NOXRED1: variants seen among roughly 807,000 people sequenced by gnomAD.
The protein encoded by NOXRED1 is NADP dependent oxidoreductase domain containing 1.
In NOXRED1, 20 loss-of-function variants were observed where a neutral mutation model predicts 30.4. The ratio of observed to expected loss-of-function variants is 0.66; its 90% confidence interval spans 0.46 to 0.96. NOXRED1 has a LOEUF of 0.96. Ranked by LOEUF, NOXRED1 falls within the 40% of genes least tolerant of loss-of-function variation. The pLI is 0.00. For synonymous variants in NOXRED1, 155 were observed against 168.0 expected (o/e 0.92, Z 0.60); for missense variants, 374 against 428.0 (o/e 0.87, Z 1.11).
At chr14:77,403,850 T>C (rs1268370987) in intron 5 of NOXRED1, among the ~76,000 whole-genome samples, 1 of 152,120 alleles carries the variant, frequency 6.6e-6, no homozygotes. Flanking sequence ...AATGGCACTG[T>C]AACTCTCAGT....
intron 5 of NOXRED1, among the ~76,000 whole-genome samples, chr14:77,403,786 C>T (rs889138424): frequency 1.3e-4 from 20 of 152,160 alleles, no homozygotes; most frequent in African/African-American, 4.6e-4. Flanking sequence ...CAAAAGATCT[C>T]ATAAGCTTCC....
rs1441957496 is a variant in NOXRED1 at position 77,406,813 on chromosome 14, G to A, written c.593C>T (p.Ser198Phe). 34 of 1,613,926 alleles carry A rather than the reference G, an allele frequency of 2.1e-5. No individual in the cohort carries two copies. The highest frequency in any genetic ancestry group is 2.7e-5 in the Non-Finnish European group (32 of 1,179,906). Residue 198 changes from serine (S) to phenylalanine (F), a missense_variant, in exon 4 of 6, where the codon TCT (serine) becomes TTT (phenylalanine). Transcript: ENST00000380835. ...CTTATTGGCCCCCCAGACGCTGACA[G>A]AATCTTCATCATACTGATACTGAGG... ...LRPQYQYDED[S>F]VSVWGANKGV...
At chr14:77,396,248 CTTTTT>C (rs35292349) in intron 5 of NOXRED1, among the ~76,000 whole-genome samples, 2 of 131,122 alleles carry the variant, frequency 1.5e-5, no homozygotes, top group African/African-American at 5.8e-5. Context: ...TCCAAGGAAT[CTTTTT>C]TTTTTTTTTT....
At chr14:77,403,984 T>G (rs959098935) in intron 5 of NOXRED1, among the ~76,000 whole-genome samples, 1 of 152,216 alleles carries the variant, frequency 6.6e-6, no homozygotes, top group Non-Finnish European at 1.5e-5. Flanking sequence ...CAGGGTGGTA[T>G]GGCTGTAGAT....
intron 1 of NOXRED1, among the ~76,000 whole-genome samples, chr14:77,418,561 G>A (rs1009319078): frequency 2.6e-5 from 4 of 151,096 alleles, no homozygotes; most frequent in Non-Finnish European, 5.9e-5. Flanking sequence ...ACAGGGTCTC[G>A]CTCTGTCACC....
At position 77,406,126 on chromosome 14, in the gene NOXRED1, A is replaced by C; in HGVS notation, c.692T>G (p.Ile231Ser). 6.2e-7 allele frequency: 1 copy of C among 1,609,962 alleles called. No homozygotes were observed. Among genetic ancestry groups the C allele is most frequent in the South Asian group, 1.1e-5 (1 of 90,850 alleles). The change falls in exon 5 of 6, where the codon ATC becomes AGC. Residue 231 changes from isoleucine to serine, a missense_variant. By Grantham distance (142) the Ile-to-Ser change is moderately radical (BLOSUM62 -2). Coordinates refer to ENST00000380835, the MANE Select transcript of NOXRED1 (RefSeq NM_001113475.3). ...TCCCTCCAACCACTTGATATTGAGG[A>C]TTATTCCCCCTACACATCAATGAGA... ...TCPYSPAGGI[I>S]LNIKWLEGVF...
chr14:77,408,041 T>A (rs1044563695), intron 2 of NOXRED1, among the ~76,000 whole-genome samples: 5 of 152,076 alleles, frequency 3.3e-5, no homozygotes, highest in African/African-American at 9.7e-5. Flanking sequence ...TTAGTCTTTG[T>A]ATTTTTAGTA....
intron 2 of NOXRED1, among the ~76,000 whole-genome samples, chr14:77,409,335 C>T (rs531174086): frequency 3.9e-5 from 6 of 152,166 alleles, no homozygotes; most frequent in South Asian, 2.1e-4. Context: ...CTCATGATAG[C>T]GAGGGAGTTC....
In NOXRED1 at chr14:77,406,836, A is replaced by G. The variant is rs569033713; in HGVS notation, c.570T>C (p.Pro190=). ...LLLNHTNILR[P]QYQYDEDSVS... ...CAGAATCTTCATCATACTGATACTG[A>G]GGCCGCAAGATATTGGTGTGGTTCA... The change falls in exon 4 of 6, where the codon CCT becomes CCC. Residue 190 remains proline, a synonymous_variant. Transcript: ENST00000380835. The G allele has an allele frequency of 2.5e-6, 4 of 1,614,074 alleles. No homozygotes were observed. In the East Asian group the frequency reaches 6.7e-5, roughly 27 times the overall value.
rs143522876 is a variant in NOXRED1 at position 77,399,701 on chromosome 14, G to A, written c.906-4896C>T. Among the ~76,000 whole-genome samples, 43 of 152,034 alleles carry A rather than the reference G, an allele frequency of 2.8e-4. No homozygotes were observed. In the East Asian group the frequency reaches 6.0e-3, roughly 21 times the overall value. On this transcript the variant is annotated intron_variant, in intron 5 of 5. Transcript: ENST00000380835. ...ACTGAAAAGCAAAGAAAACAAAGACGAAAAATACAGAACAAAATATCCAAG... is the reference window on the plus strand; with the variant it reads ...ACTGAAAAGCAAAGAAAACAAAGACAAAAAATACAGAACAAAATATCCAAG...
At chr14:77,407,031 G>A (rs1056741218) in intron 3 of NOXRED1, among the ~76,000 whole-genome samples, 156 bp from the exon 4 acceptor site, 1 of 152,182 alleles carries the variant, frequency 6.6e-6, no homozygotes, top group African/African-American at 2.4e-5. Context: ...TAATTAACTG[G>A]ACTGTTCATC....
chr14:77,416,660 C>A (rs1468655388), intron 1 of NOXRED1, among the ~76,000 whole-genome samples: 4 of 150,016 alleles, frequency 2.7e-5, no homozygotes, highest in African/African-American at 7.3e-5. Flanking sequence ...CCCTTCCCCC[C>A]TTTCTATTCC....
upstream of NOXRED1, among the ~76,000 whole-genome samples, chr14:77,423,717 GA>G (rs1566716368): frequency 1.3e-5 from 2 of 152,144 alleles, no homozygotes; most frequent in Non-Finnish European, 2.9e-5. Context: ...TTTCCCAACA[GA>G]AGATTCTGGA....
intron 1 of NOXRED1, among the ~76,000 whole-genome samples, chr14:77,416,618 G>A (rs937268813): frequency 1.1e-4 from 16 of 152,254 alleles, no homozygotes; most frequent in East Asian, 3.9e-4. Flanking sequence ...ACACAGACAC[G>A]GCAACCATCC....
chr14:77,406,874 GC>G lies in NOXRED1; in HGVS notation c.531del (p.Arg177SerfsTer2). 1 of 1,613,024 alleles carries G rather than the reference GC, an allele frequency of 6.2e-7. No individual in the cohort carries two copies. Among genetic ancestry groups the G allele is most frequent in the South Asian group, 1.1e-5 (1 of 90,962 alleles). ...YSFVAAIPLPRLKLLLNHTNI... is the reference protein window; with the variant it reads ...YSFVAAIPLPXLKLLLNHTNI... Reference sequence around the variant, plus strand: ...TTGGTGTGGTTCAACAGTAGTTTCAGCCTGGAAGTAAAGCCAAGACAGGGAG... The same window carrying G: ...TTGGTGTGGTTCAACAGTAGTTTCAGCTGGAAGTAAAGCCAAGACAGGGAG... On this transcript the variant is annotated frameshift_variant and splice_region_variant, in exon 4 of 6. Coordinates refer to ENST00000380835, the MANE Select transcript of NOXRED1 (RefSeq NM_001113475.3). LOFTEE classifies it high-confidence loss of function.
At position 77,406,253 on chromosome 14, in the gene NOXRED1, T is replaced by C. The variant is rs1053675658; in HGVS notation, c.683-118A>G. 8 of 669,948 alleles carry C rather than the reference T, an allele frequency of 1.2e-5. No homozygotes were observed. The African/African-American group carries it at 1.3e-4, about 11-fold the overall frequency. The allele number at this position is 669,948 out of a possible 1,614,324, so 41.5% of individuals were successfully genotyped here. ...TTTTTTCCAAGACAGATTGGTAATATGAACCACAAGATAAGCAAACATTCC... is the reference window on the plus strand; with the variant it reads ...TTTTTTCCAAGACAGATTGGTAATACGAACCACAAGATAAGCAAACATTCC... On this transcript the variant is annotated intron_variant, in intron 4 of 5. Transcript: ENST00000380835.
chr14:77,422,844 C>T lies in NOXRED1; in HGVS notation c.46G>A (p.Val16Ile), dbSNP rs1213929121. The T allele has an allele frequency of 6.2e-7, 1 of 1,613,688 alleles. No homozygotes were observed. Among genetic ancestry groups the T allele is most frequent in the Non-Finnish European group, 8.5e-7 (1 of 1,179,804 alleles). Residue 16 changes from valine (V) to isoleucine (I), a missense_variant, in exon 1 of 6, where the codon GTT (valine) becomes ATT (isoleucine). Coordinates refer to ENST00000380835, the MANE Select transcript of NOXRED1 (RefSeq NM_001113475.3). ...AGCCAGATACGATCTTCCTCTGGAACCCCATACTCAAACTGCAGGGACTCA... is the reference window on the plus strand; with the variant it reads ...AGCCAGATACGATCTTCCTCTGGAATCCCATACTCAAACTGCAGGGACTCA... ...DLESLQFEYG[V>I]PEEDRIWLYL... is the part of the protein sequence containing the mutation.
intron 1 of NOXRED1, among the ~76,000 whole-genome samples, chr14:77,417,606 C>A (rs771038434): frequency 1.8e-4 from 27 of 152,134 alleles, no homozygotes; most frequent in Non-Finnish European, 2.9e-4. Context: ...TTTTTGGTTA[C>A]CATTTACGTG....
At chr14:77,421,189 T>C (rs984879521) in intron 1 of NOXRED1, among the ~76,000 whole-genome samples, 1 of 152,238 alleles carries the variant, frequency 6.6e-6, no homozygotes, top group African/African-American at 2.4e-5. Context: ...GAAAGGGATA[T>C]CTTAGGTGAA....
Sources: allele counts gnomAD v4.1 joint callset (sites outside exome capture counted in the v4.1 genomes callset), GRCh38; gene constraint gnomAD v4.1.1; transcripts MANE v1.5; gene names NCBI Gene and HGNC (gene_info 2026-07-23, HGNC 2026-07-21).